The following VSIG10L2 variants were observed in gnomAD, a reference collection of about 807,000 sequenced individuals.
VSIG10L2 encodes V-set and immunoglobulin domain containing 10 like 2.
VSIG10L2 carries 56 observed loss-of-function variants against 67.1 expected under a neutral mutation model. That is an observed-to-expected ratio of 0.83 (90% CI 0.67 to 1.04). The LOEUF is 1.04. VSIG10L2 is among the 50% of genes least tolerant of loss of function. The probability of loss-of-function intolerance (pLI) is 0.00; values close to 1 mark genes in which losing one functional copy is unlikely to be tolerated. For synonymous variants in VSIG10L2, 360 were observed against 396.6 expected, an observed-to-expected ratio of 0.91 and a Z score of 1.10; for missense variants, 843 against 932.8, an observed-to-expected ratio of 0.90 and a Z score of 1.25.
intron 2 of VSIG10L2, 45 bp downstream of exon 2, chr11:125,948,081 G>A: frequency 8.1e-7 from 1 of 1,232,444 alleles, no homozygotes; most frequent in Non-Finnish European, 1.0e-6. Context: ...GGCTGCTTTG[G>A]ATTTCTCTGG....
At chr11:125,952,694 G>A (rs1591530748) in intron 6 of VSIG10L2, among the ~76,000 whole-genome samples, 1 of 152,156 alleles carries the variant, frequency 6.6e-6, no homozygotes, top group East Asian at 1.9e-4. Flanking sequence ...TTTGGTTTTG[G>A]TCTGGTTCTT....
chr11:125,948,703 G>C, intron 3 of VSIG10L2, 123 bp downstream of exon 3: 1 of 1,079,214 alleles, frequency 9.3e-7, no homozygotes, highest in Non-Finnish European at 1.2e-6. Flanking sequence ...CCCTCTAAAA[G>C]TCTCCAGCAG....
At position 125,951,074 on chromosome 11, in the gene VSIG10L2, G is replaced by A. The variant is rs1033663855; in HGVS notation, c.1150G>A (p.Ala384Thr). The stretch of plus-strand genomic sequence containing the variant: ...CAACGTCACCTGGAGTCACGCAGCC[G>A]CCCAGCTCCCCAGTGGCAGCGTCTT... ...PSNVTWSHAA[A>T]QLPSGSVFTC... Residue 384 changes from alanine to threonine, a missense_variant, in exon 5 of 12, where the codon GCC becomes ACC. By Grantham distance (58) the Ala-to-Thr change is moderately conservative. This residue lies in a region of VSIG10L2 where 446 missense variants were observed against 548.4 expected (regional missense o/e 0.81). Coordinates refer to ENST00000686984, the MANE Select transcript of VSIG10L2 (RefSeq NM_001365077.2). 32 of 1,232,538 alleles carry A rather than the reference G, an allele frequency of 2.6e-5. No individual in the cohort carries two copies. The highest frequency in any genetic ancestry group is 1.9e-4 in the East Asian group (6 of 31,724). 76.4% of individuals were successfully genotyped at this position (1,232,538 alleles called of 1,614,324 possible).
At chr11:125,952,858 T>C (rs1945395841) in intron 6 of VSIG10L2, among the ~76,000 whole-genome samples, 1 of 152,240 alleles carries the variant, frequency 6.6e-6, no homozygotes, top group South Asian at 2.1e-4. Flanking sequence ...TCCAAAGGCT[T>C]GGTAACTAGC....
chr11:125,955,738 T>C, intron 11 of VSIG10L2, 71 bp downstream of exon 11: 1 of 1,295,594 alleles, frequency 7.7e-7, no homozygotes, highest in Non-Finnish European at 1.1e-6. Flanking sequence ...GGGTGATGCT[T>C]GGTCTCTCTT....
At chr11:125,951,347 G>A (rs1316070547) in intron 5 of VSIG10L2, among the ~76,000 whole-genome samples, 189 bp downstream of exon 5, 1 of 152,134 alleles carries the variant, frequency 6.6e-6, no homozygotes, top group Non-Finnish European at 1.5e-5. Context: ...CATCCACACT[G>A]TGCTCTGTTC....
At chr11:125,948,124 G>A (rs1026649629) in intron 2 of VSIG10L2, 88 bp downstream of exon 2, 47 of 1,231,784 alleles carry the variant, frequency 3.8e-5, no homozygotes, top group African/African-American at 4.7e-5. Flanking sequence ...GTGTGTGTGC[G>A]GGACCCAGGT....
rs1439079994 is a variant in VSIG10L2, at chr11:125,946,210, G to GA, written c.82+74dup. The stretch of plus-strand genomic sequence containing the variant: ...CCATTATTCCTGCCACTTCCTGGGG[G>GA]ATCCTCCTTTTGCACTCCATTCCAT... On this transcript the variant is annotated intron_variant, in intron 1 of 11. Coordinates refer to ENST00000686984, the MANE Select transcript of VSIG10L2 (RefSeq NM_001365077.2). This position sits in a 1 kb window ranked among gnomAD's most constrained non-coding sequence, Gnocchi z 4.4. 3.8e-5 allele frequency: 15 copies of GA among 398,758 alleles called. No homozygotes were observed. In the East Asian group the frequency reaches 5.0e-4, roughly 13 times the overall value. The allele number at this position is 398,758 out of a possible 1,614,324, so 24.7% of individuals were successfully genotyped here.
Position 125,953,446 on chromosome 11 carries a change from G to A in VSIG10L2, c.1542G>A (p.Glu514=). ...DVAEPRVSVL[E]GGEAWLECSL... ...CTGAGCCCCGCGTGTCAGTGTTGGAGGGGGGAGAGGCCTGGCTGGAGTGCT... is the reference window on the plus strand; with the variant it reads ...CTGAGCCCCGCGTGTCAGTGTTGGAAGGGGGAGAGGCCTGGCTGGAGTGCT... The change falls in exon 7 of 12, where the codon GAG becomes GAA. Residue 514 remains glutamate, a synonymous_variant. Transcript: ENST00000686984. 2.4e-6 allele frequency: 3 copies of A among 1,232,296 alleles called. No homozygotes were observed. The highest frequency in any genetic ancestry group is 1.5e-5 in the African/African-American group (1 of 64,530). The allele number at this position is 1,232,296 out of a possible 1,614,324, so 76.3% of individuals were successfully genotyped here.
At chr11:125,952,123 C>A (rs1450251254) in intron 6 of VSIG10L2, 50 bp downstream of exon 6, 1 of 1,493,902 alleles carries the variant, frequency 6.7e-7, no homozygotes, top group Non-Finnish European at 8.9e-7. Flanking sequence ...GGAGGAGGAA[C>A]CCTTTGGAAT....
chr11:125,950,219 G>A lies in VSIG10L2; in HGVS notation c.915G>A (p.Leu305=). ...IARAGRVHTG[L]YTCLARNSYL... is the part of the protein sequence containing the mutation. ...GAGCTGGCCGTGTCCACACAGGCCTGTACACCTGCCTGGCCCGCAACAGCT... is the reference window on the plus strand; with the variant it reads ...GAGCTGGCCGTGTCCACACAGGCCTATACACCTGCCTGGCCCGCAACAGCT... The change falls in exon 4 of 12, where the codon CTG becomes CTA. Residue 305 remains leucine (L), a synonymous_variant. Transcript: ENST00000686984. 4 of 1,232,538 alleles carry A rather than the reference G, an allele frequency of 3.2e-6. No homozygotes were observed. Among genetic ancestry groups the A allele is most frequent in the South Asian group, 4.1e-5 (1 of 24,326 alleles). 76.4% of individuals were successfully genotyped at this position (1,232,538 alleles called of 1,614,324 possible). A position where few individuals can be genotyped will look rare whatever the true frequency, so the allele number is the denominator to read the frequency against.
At chr11:125,950,881 G>C (rs1945358752) in intron 4 of VSIG10L2, 29 bp from the exon 5 acceptor site, 1 of 1,232,686 alleles carries the variant, frequency 8.1e-7, no homozygotes, top group African/African-American at 1.5e-5. Flanking sequence ...AGTGGAGCCT[G>C]CTCCAGCCTC....
intron 9 of VSIG10L2, 42 bp downstream of exon 9, chr11:125,955,221 G>A: frequency 5.5e-6 from 7 of 1,261,570 alleles, no homozygotes; most frequent in Non-Finnish European, 7.0e-6. Flanking sequence ...GACCCCACAG[G>A]GTGGCCAGGC....
Position 125,954,231 on chromosome 11 carries a change from G to A in VSIG10L2, c.1931G>A (p.Gly644Glu). 8.1e-7 allele frequency: 1 copy of A among 1,232,254 alleles called. No individual in the cohort carries two copies. Among genetic ancestry groups the A allele is most frequent in the Non-Finnish European group, 1.0e-6 (1 of 988,058 alleles). 76.3% of individuals were successfully genotyped at this position (1,232,254 alleles called of 1,614,324 possible). A position where few individuals can be genotyped will look rare whatever the true frequency, so the allele number is the denominator to read the frequency against. The change falls in exon 8 of 12, where the codon GGA (glycine) becomes GAA (glutamate). Residue 644 changes from glycine to glutamate, a missense_variant. Around this residue, in one of 2 missense-constraint regions of VSIG10L2, gnomAD observed 397 missense variants for 384.4 expected, o/e 1.03. Coordinates refer to ENST00000686984, the MANE Select transcript of VSIG10L2 (RefSeq NM_001365077.2). ...CGGAAGGCCAGTGCCCTGGGCCCAG[G>A]AGCTGGGGCGTGGGAGACAGCAGCT... The part of the protein sequence containing the change: ...VQRKASALGP[G>E]AGAWETAASD...
intron 3 of VSIG10L2, 60 bp downstream of exon 3, chr11:125,948,640 C>T: frequency 8.1e-7 from 1 of 1,227,366 alleles, no homozygotes. Context: ...CATCCACACT[C>T]AGCCTTCCAC....
chr11:125,947,717 A>G lies in VSIG10L2; in HGVS notation c.114A>G (p.Val38=). ...GQPHPTPEAP[V]EEVVSVQGVR... ...CCCACCCGACCCCCGAGGCCCCTGTAGAGGAGGTGGTGTCTGTCCAGGGAG... is the reference window on the plus strand; with the variant it reads ...CCCACCCGACCCCCGAGGCCCCTGTGGAGGAGGTGGTGTCTGTCCAGGGAG... Residue 38 remains valine (V), a synonymous_variant, in exon 2 of 12, where the codon GTA becomes GTG. Coordinates refer to ENST00000686984, the MANE Select transcript of VSIG10L2 (RefSeq NM_001365077.2). The G allele has an allele frequency of 3.2e-6, 4 of 1,232,008 alleles. No individual in the cohort carries two copies. The highest frequency in any genetic ancestry group is 4.0e-6 in the Non-Finnish European group (4 of 988,012). 76.3% of individuals were successfully genotyped at this position (1,232,008 alleles called of 1,614,324 possible).
intron 3 of VSIG10L2, among the ~76,000 whole-genome samples, chr11:125,949,340 T>C (rs1299130805): frequency 6.6e-6 from 1 of 152,194 alleles, no homozygotes; most frequent in Non-Finnish European, 1.5e-5. Flanking sequence ...GTGTCTGGCA[T>C]CCGCCTATTG....
At position 125,948,350 on chromosome 11, in the gene VSIG10L2, T is replaced by G; in HGVS notation, c.479T>G (p.Val160Gly). The change falls in exon 3 of 12, where the codon GTG (valine) becomes GGG (glycine). Residue 160 changes from valine to glycine, a missense_variant. By Grantham distance (109) the Val-to-Gly change is moderately radical. Coordinates refer to ENST00000686984, the MANE Select transcript of VSIG10L2 (RefSeq NM_001365077.2). ...GTGCGACTGAGTAACCCGTCCCCTGTGGAGGGAGCCTCCGTGGTGGCCACG... is the reference window on the plus strand; with the variant it reads ...GTGCGACTGAGTAACCCGTCCCCTGGGGAGGGAGCCTCCGTGGTGGCCACG... ...PQVRLSNPSP[V>G]EGASVVATCA... The G allele has an allele frequency of 1.6e-6, 2 of 1,232,394 alleles. No homozygotes were observed. The highest frequency in any genetic ancestry group is 2.0e-6 in the Non-Finnish European group (2 of 988,180). 76.3% of individuals were successfully genotyped at this position (1,232,394 alleles called of 1,614,324 possible). A position where few individuals can be genotyped will look rare whatever the true frequency, so the allele number is the denominator to read the frequency against.
rs1945443112 is a variant in VSIG10L2 at position 125,955,179 on chromosome 11, C to T, written c.2206C>T (p.Arg736Cys). 6.4e-6 allele frequency: 8 copies of T among 1,249,270 alleles called. No homozygotes were observed. Among genetic ancestry groups the T allele is most frequent in the South Asian group, 3.8e-5 (1 of 26,180 alleles). 77.4% of individuals were successfully genotyped at this position (1,249,270 alleles called of 1,614,324 possible). A position where few individuals can be genotyped will look rare whatever the true frequency, so the allele number is the denominator to read the frequency against. Residue 736 changes from arginine to cysteine, a missense_variant and splice_region_variant, in exon 9 of 12, where the codon CGC (arginine) becomes TGC (cysteine). Physicochemically the swap from Arg to Cys is radical, Grantham distance 180. Around this residue, in one of 2 missense-constraint regions of VSIG10L2, gnomAD observed 397 missense variants for 384.4 expected, o/e 1.03. Transcript: ENST00000686984. ...TGCCCGGCACCCAGAGACTTTCCCC[C>T]GTGAGTGGGAATCGGAAGGGACGGG... is the stretch of plus-strand genomic sequence containing the variant. ...YAARHPETFPRLGQLLVPTEQ... is the reference protein window; with the variant it reads ...YAARHPETFPCLGQLLVPTEQ...
Sources: allele counts gnomAD v4.1 joint callset (sites outside exome capture counted in the v4.1 genomes callset), GRCh38; gene constraint gnomAD v4.1.1; regional missense constraint gnomAD v4.1.1; non-coding constraint Gnocchi (gnomAD v3.1); transcripts MANE v1.5; gene names NCBI Gene and HGNC (gene_info 2026-07-23, HGNC 2026-07-21).